Variants in CHD8 observed in about 807,000 individuals in gnomAD.
CHD8 encodes the protein ATP-dependent chromatin remodeler CHD8.
CHD8 carries 31 observed loss-of-function variants against 279.2 expected under a neutral mutation model. The observed-to-expected ratio is 0.11, with a 90% CI of 0.08 to 0.15. The LOEUF (loss-of-function observed/expected upper bound fraction) is 0.15, where lower values mean the gene tolerates loss of function less well. Among genes scored for constraint, CHD8 ranks in the 10% least tolerant of loss-of-function variants. The pLI, the probability that CHD8 is intolerant of heterozygous loss-of-function variation, is 1.00. For missense variants in CHD8, 2,146 were observed against 3,230.5 expected, an observed-to-expected ratio of 0.66 and a Z score of 8.14; for synonymous variants, 1,081 against 1,139.6, an observed-to-expected ratio of 0.95 and a Z score of 1.04.
Position 21,385,852 on chromosome 14 carries a change from G to T in CHD8, c.7507C>A (p.His2503Asn). 1 of 1,545,970 alleles carries T rather than the reference G, an allele frequency of 6.5e-7. No individual in the cohort carries two copies. The highest frequency in any genetic ancestry group is 8.7e-7 in the Non-Finnish European group (1 of 1,143,434). ...HHHHHHPHPH[H>N]HHHHHPGLRA... The stretch of plus-strand genomic sequence containing the variant: ...AAGCCTGGATGGTGATGGTGGTGAT[G>T]GTGGGGGTGGGGGTGGTGGTGGTGG... Residue 2503 changes from histidine (H) to asparagine (N), a missense_variant, in exon 38 of 38, where the codon CAT becomes AAT. His to Asn is a moderately conservative substitution (Grantham distance 68, BLOSUM62 1). Around this residue, in one of 26 missense-constraint regions of CHD8, gnomAD observed 336 missense variants for 392.9 expected, o/e 0.86. Coordinates refer to ENST00000646647, the MANE Select transcript of CHD8 (RefSeq NM_001170629.2).
intron 1 of CHD8, among the ~76,000 whole-genome samples, chr14:21,448,706 G>A (rs1165071242): frequency 6.6e-6 from 1 of 151,838 alleles, no homozygotes; most frequent in Non-Finnish European, 1.5e-5. Context: ...ACAGGCGCGC[G>A]CCACTACACC....
rs199677942 is a variant in CHD8, at chr14:21,429,003, T to G, written c.1176A>C (p.Gln392His). 3 of 1,614,002 alleles carry G rather than the reference T, an allele frequency of 1.9e-6. No homozygotes were observed. Among genetic ancestry groups the G allele is most frequent in the Admixed American group, 3.3e-5 (2 of 60,022 alleles). ...QIMGPGQSPG[Q>H]RLSVPVKVVL... ...CCACCTTGACTGGTACTGAAAGTCTTTGTCCTGGGCTTTGTCCTGGTCCCA... is the reference window on the plus strand; with the variant it reads ...CCACCTTGACTGGTACTGAAAGTCTGTGTCCTGGGCTTTGTCCTGGTCCCA... Residue 392 changes from glutamine to histidine, a missense_variant, in exon 3 of 38, where the codon CAA (glutamine) becomes CAC (histidine). Around this residue, in one of 26 missense-constraint regions of CHD8, gnomAD observed 170 missense variants for 189.9 expected, o/e 0.90. Coordinates refer to ENST00000646647, the MANE Select transcript of CHD8 (RefSeq NM_001170629.2).
At chr14:21,419,614 G>C (rs553489008) in intron 5 of CHD8, 1 of 184,246 alleles carries the variant, frequency 5.4e-6, no homozygotes, top group Admixed American at 6.3e-5. Flanking sequence ...CCGTACACTG[G>C]AGACCATGTC....
At position 21,415,646 on chromosome 14, in the gene CHD8, C is replaced by T. The variant is rs370086170; in HGVS notation, c.1900-4G>A. The T allele has an allele frequency of 1.2e-6, 2 of 1,610,716 alleles. No individual in the cohort carries two copies. The highest frequency in any genetic ancestry group is 1.7e-4 in the Middle Eastern group (1 of 6,050). ...CATCTTCTTCACTGGGATTCTCCTG[C>T]AGCAAAAGATGCAGTCAGTCAACAG... On this transcript the variant is annotated splice_polypyrimidine_tract_variant and splice_region_variant and intron_variant, in intron 6 of 37. Transcript: ENST00000646647.
intron 1 of CHD8, among the ~76,000 whole-genome samples, chr14:21,441,745 T>C (rs2149749): frequency 0.93 from 140,970 of 151,546 alleles, 65,671 homozygotes; most frequent in African/African-American, 0.96. Context: ...AAAAATTAGC[T>C]GGGCGTGGTG....
intron 5 of CHD8, among the ~76,000 whole-genome samples, chr14:21,422,883 C>T (rs1265826413): frequency 1.3e-5 from 2 of 151,768 alleles, no homozygotes; most frequent in Admixed American, 6.6e-5. Context: ...TAGCCAAGAT[C>T]GTGCCACCGC....
At chr14:21,420,765 A>G (rs541442653) in intron 5 of CHD8, among the ~76,000 whole-genome samples, 1 of 145,800 alleles carries the variant, frequency 6.9e-6, no homozygotes, top group Non-Finnish European at 1.5e-5. Context: ...TCTCATACAC[A>G]TTTTTTTTTT....
rs1403256386 is a variant in CHD8, at chr14:21,428,025, C to T, written c.1445G>A (p.Arg482Gln). ...GGGCAACTCGTCCTCATTTAAGACT[C>T]GAGGTATGTTCTGCTCACCGCGGGC... The part of the protein sequence containing the change: ...ARARGEQNIP[R>Q]VLNEDELPSV... Residue 482 changes from arginine (R) to glutamine (Q), a missense_variant, in exon 4 of 38, where the codon CGA becomes CAA. By Grantham distance (43) the Arg-to-Gln change is conservative. Coordinates refer to ENST00000646647, the MANE Select transcript of CHD8 (RefSeq NM_001170629.2). 2 of 1,613,908 alleles carry T rather than the reference C, an allele frequency of 1.2e-6. No homozygotes were observed. Among genetic ancestry groups the T allele is most frequent in the East Asian group, 2.2e-5 (1 of 44,896 alleles).
rs188683927 is a variant in CHD8, at chr14:21,390,581, C to T, written c.7182+366G>A. On this transcript the variant is annotated intron_variant, in intron 37 of 37. Coordinates refer to ENST00000646647, the MANE Select transcript of CHD8 (RefSeq NM_001170629.2). Reference sequence around the variant, plus strand: ...GATCACGAGGTCAGGAGTTCAAGACCGGCCTGGCCAAGATGGTGAAACCCA... The same window carrying T: ...GATCACGAGGTCAGGAGTTCAAGACTGGCCTGGCCAAGATGGTGAAACCCA... Among the ~76,000 whole-genome samples the T allele has an allele frequency of 2.7e-4, 41 of 152,194 alleles. No individual in the cohort carries two copies. In the East Asian group the frequency reaches 6.0e-3, roughly 22 times the overall value.
chr14:21,391,965 C>G lies in CHD8; in HGVS notation c.6772-19G>C. The stretch of plus-strand genomic sequence containing the variant: ...CTTCCTCCTAGGAAGACAACCCACC[C>G]ACCCAAGACATCATATGGTACATGT... On this transcript the variant is annotated intron_variant, in intron 34 of 37. Coordinates refer to ENST00000646647, the MANE Select transcript of CHD8 (RefSeq NM_001170629.2). The G allele has an allele frequency of 3.3e-6, 5 of 1,510,658 alleles. No homozygotes were observed. The highest frequency in any genetic ancestry group is 4.6e-6 in the Non-Finnish European group (5 of 1,085,970). The allele number at this position is 1,510,658 out of a possible 1,614,324, so 93.6% of individuals were successfully genotyped here.
Position 21,401,398 on chromosome 14 carries a change from C to T in CHD8, c.4173+5G>A, listed in dbSNP as rs1445477716. 1.9e-6 allele frequency: 3 copies of T among 1,553,688 alleles called. No individual in the cohort carries two copies. In the East Asian group the frequency reaches 6.8e-5, roughly 35 times the overall value. ...GATACTTCCTCCCTAAAAGAAGAAA[C>T]TCACCTTGCTGTTGAGCAGATCCAT... On this transcript the variant is annotated splice_donor_5th_base_variant and intron_variant, in intron 21 of 37. Transcript: ENST00000646647.
intron 2 of CHD8, chr14:21,430,597 G>A: frequency 3.6e-6 from 2 of 555,390 alleles, no homozygotes; most frequent in Non-Finnish European, 6.5e-6. Flanking sequence ...ATGTAAATGT[G>A]TAGTAAGAGC....
chr14:21,434,541 C>G (rs2139548505), intron 1 of CHD8, among the ~76,000 whole-genome samples: 1 of 151,492 alleles, frequency 6.6e-6, no homozygotes, highest in Admixed American at 6.6e-5. Context: ...TCTGATGAAT[C>G]TCCTTACCCC....
Position 21,397,858 on chromosome 14 carries a change from A to T in CHD8, c.5016T>A (p.His1672Gln), listed in dbSNP as rs561559248. 1.2e-4 allele frequency: 196 copies of T among 1,613,564 alleles called. 1 individual carries two copies. In the South Asian group the frequency reaches 2.1e-3, roughly 17 times the overall value. The change falls in exon 27 of 38, where the codon CAT (histidine) becomes CAA (glutamine). Residue 1672 changes from histidine to glutamine, a missense_variant. Physicochemically the swap from His to Gln is conservative, Grantham distance 24. This residue lies in a region of CHD8 where 75 missense variants were observed against 81.3 expected (regional missense o/e 0.92). Coordinates refer to ENST00000646647, the MANE Select transcript of CHD8 (RefSeq NM_001170629.2). Reference protein sequence around the residue: ...RPDDKAIAAEHRVLDNFSDIV... With the variant: ...RPDDKAIAAEQRVLDNFSDIV... ...TGTCAGAGAAGTTATCCAACACTCGATGTTCTGCTGCAATTGCTTTGTCAT... is the reference window on the plus strand; with the variant it reads ...TGTCAGAGAAGTTATCCAACACTCGTTGTTCTGCTGCAATTGCTTTGTCAT...
intron 1 of CHD8, among the ~76,000 whole-genome samples, chr14:21,454,727 C>T (rs1890343460): frequency 6.6e-6 from 1 of 152,196 alleles, no homozygotes; most frequent in Non-Finnish European, 1.5e-5. Context: ...TCTCTTGCAG[C>T]AGAAGGTCTT....
intron 37 of CHD8, chr14:21,386,431 T>C (rs1887239223): frequency 1.9e-6 from 1 of 539,674 alleles, no homozygotes; most frequent in Non-Finnish European, 3.3e-6. Flanking sequence ...CAGTTTTTGC[T>C]TCTTTTCCCC....
rs116566951 is a variant in CHD8 at position 21,411,508 on chromosome 14, T to A, written c.2226+1405A>T. ...AGGATCAAGTCACTTGAAAAAGTCATGAAAAAGCCCAGCTCACCCACTGAA... is the reference window on the plus strand; with the variant it reads ...AGGATCAAGTCACTTGAAAAAGTCAAGAAAAAGCCCAGCTCACCCACTGAA... On this transcript the variant is annotated intron_variant, in intron 10 of 37. Coordinates refer to ENST00000646647, the MANE Select transcript of CHD8 (RefSeq NM_001170629.2). Among the ~76,000 whole-genome samples the A allele has an allele frequency of 5.5e-3, 831 of 152,082 alleles. 8 individuals carry two copies. The highest frequency in any genetic ancestry group is 0.019 in the African/African-American group (794 of 41,490).
At position 21,385,863 on chromosome 14, in the gene CHD8, G is replaced by GGGT. The variant is rs774490485; in HGVS notation, c.7493_7495dup (p.His2498dup). 7 of 1,542,422 alleles carry GGGT rather than the reference G, an allele frequency of 4.5e-6. No homozygotes were observed. The highest frequency in any genetic ancestry group is 2.8e-5 in the African/African-American group (2 of 72,652). ...GTGATGGTGGTGATGGTGGGGGTGG[G>GGGT]GGTGGTGGTGGTGGTGATGAAGCAT... On this transcript the variant is annotated inframe_insertion, in exon 38 of 38. Coordinates refer to ENST00000646647, the MANE Select transcript of CHD8 (RefSeq NM_001170629.2).
At chr14:21,443,869 A>AC (rs1180505617) in intron 1 of CHD8, among the ~76,000 whole-genome samples, 1,729 of 151,544 alleles carry the variant, frequency 0.011, 39 homozygotes, top group African/African-American at 0.04. Flanking sequence ...AAAAAAAAAA[A>AC]AAAAAAAAAA....
Sources: gnomAD v4.1 joint callset for allele counts (sites outside exome capture counted in the v4.1 genomes callset) on GRCh38, gnomAD v4.1.1 for gene constraint, gnomAD v4.1.1 regional missense constraint, MANE v1.5 for transcripts, NCBI Gene and HGNC (gene_info 2026-07-23, HGNC 2026-07-21) for gene names.